RASEF: variants seen among roughly 807,000 people sequenced by gnomAD.
RASEF encodes the protein ras and EF-hand domain-containing protein.
A neutral mutation model predicts 90.1 loss-of-function variants in RASEF; 68 were observed. That is an observed-to-expected ratio of 0.75 (90% confidence interval 0.62 to 0.92). The LOEUF (loss-of-function observed/expected upper bound fraction) is 0.92. RASEF is among the 40% of genes least tolerant of loss of function. The pLI, the probability that RASEF is intolerant of heterozygous loss-of-function variation, is 0.00. For synonymous variants in RASEF, 331 were observed against 345.2 expected (o/e 0.96, Z 0.46); for missense variants, 949 against 937.2 (o/e 1.01, Z -0.16).
At chr9:83,198,471 G>A in the RASEF span, among the ~76,000 whole-genome samples, 2 of 152,250 alleles carry the variant, frequency 1.3e-5, no homozygotes, top group South Asian at 2.1e-4. Flanking sequence ...TGGATAGACT[G>A]CCTGGCCAGC....
chr9:83,144,390 AG>A, the RASEF span, among the ~76,000 whole-genome samples: 1,887 of 10,502 alleles, frequency 0.18, 103 homozygotes, highest in African/African-American at 0.28. Flanking sequence ...AAAGAAAGAA[AG>A]GAAAGAAAGA....
Position 83,011,550 on chromosome 9 carries a change from CAAAAAAAAAAAA to C in RASEF, c.843+872_843+883del, listed in dbSNP as rs71363083. 2.6e-3 allele frequency among the ~76,000 whole-genome samples: 74 copies of C among 28,118 alleles called. 2 individuals carry two copies. Among genetic ancestry groups the C allele is most frequent in the African/African-American group, 8.4e-3 (62 of 7,388 alleles). 18.4% of individuals were successfully genotyped at this position (28,118 alleles called of 152,430 possible). On this transcript the variant is annotated intron_variant, in intron 5 of 16. Transcript: ENST00000376447. ...CTGGTGACAGAGCAAGACTCCATCT[CAAAAAAAAAAAA>C]AAAAAAAAAAAAAACTGAAATTTTA...
At chr9:83,013,988 C>A (rs1024459739) in intron 4 of RASEF, among the ~76,000 whole-genome samples, 1 of 152,132 alleles carries the variant, frequency 6.6e-6, no homozygotes. Context: ...GACACATGGG[C>A]TTTCTTACTG....
the RASEF span, among the ~76,000 whole-genome samples, chr9:83,132,637 T>A: frequency 2.6e-5 from 4 of 152,306 alleles, no homozygotes; most frequent in East Asian, 7.7e-4. Context: ...CCTTCAGGAT[T>A]TTTTCAGAGG....
At chr9:83,185,985 G>C in the RASEF span, among the ~76,000 whole-genome samples, 1 of 152,142 alleles carries the variant, frequency 6.6e-6, no homozygotes, top group African/African-American at 2.4e-5. Flanking sequence ...GGGGCAAGGG[G>C]GGTGTTAATT....
chr9:83,042,326 G>A (rs1036820558), intron 1 of RASEF, among the ~76,000 whole-genome samples: 4 of 152,164 alleles, frequency 2.6e-5, no homozygotes, highest in African/African-American at 4.8e-5. Context: ...GTTTATCTTG[G>A]TGTGTAGTTT....
chr9:83,001,046 G>A lies in RASEF; in HGVS notation c.1287C>T (p.Asp429=). 6.2e-7 allele frequency: 1 copy of A among 1,614,148 alleles called. No individual in the cohort carries two copies. Among genetic ancestry groups the A allele is most frequent in the Non-Finnish European group, 8.5e-7 (1 of 1,180,016 alleles). ...DPLQRTNCEV[D]SLPESCFDSG... is the part of the protein sequence containing the mutation. ...TGTCGAAGCAGCTTTCAGGCAGGCT[G>A]TCAACTTCACAATTTGTCCTCTGCA... Residue 429 remains aspartate, a synonymous_variant, in exon 10 of 17, where the codon GAC becomes GAT. Transcript: ENST00000376447.
chr9:83,130,437 A>G, the RASEF span, among the ~76,000 whole-genome samples: 1 of 152,198 alleles, frequency 6.6e-6, no homozygotes, highest in African/African-American at 2.4e-5. Flanking sequence ...CAAAGTCCAT[A>G]GTTCACATTA....
intron 16 of RASEF, among the ~76,000 whole-genome samples, chr9:82,989,284 G>A (rs993411268): frequency 6.6e-6 from 1 of 151,936 alleles, no homozygotes; most frequent in Non-Finnish European, 1.5e-5. Context: ...TCACTATGTT[G>A]CCCAGGCTAG....
In RASEF at chr9:82,985,959, G is replaced by A. The variant is rs573582063; in HGVS notation, c.2118-3177C>T. ...GATATGCAGAGTCACCATGGCTATG[G>A]CGTTTCCGGTGGGGGTTCACTCTAT... is the stretch of plus-strand genomic sequence containing the variant. On this transcript the variant is annotated intron_variant, in intron 16 of 16. Transcript: ENST00000376447. Among the ~76,000 whole-genome samples, 3 of 152,294 alleles carry A rather than the reference G, an allele frequency of 2.0e-5. No homozygotes were observed. The South Asian group carries it at 6.2e-4, about 32-fold the overall frequency.
chr9:83,150,355 G>A, the RASEF span, among the ~76,000 whole-genome samples: 2 of 152,214 alleles, frequency 1.3e-5, no homozygotes, highest in South Asian at 2.1e-4. Context: ...TCTAATCAAA[G>A]TTTGGTCTTT....
chr9:83,175,608 T>C, the RASEF span, among the ~76,000 whole-genome samples: 1 of 151,626 alleles, frequency 6.6e-6, no homozygotes, highest in Admixed American at 6.6e-5. Context: ...TAAGATGGAG[T>C]CTCACTCTGT....
the RASEF span, among the ~76,000 whole-genome samples, chr9:83,126,571 A>T: frequency 0.37 from 56,203 of 151,966 alleles, 10,902 homozygotes; most frequent in East Asian, 0.71. Flanking sequence ...TCAGATATAG[A>T]TCTTGATTTT....
chr9:83,058,720 G>C (rs1014073428), intron 1 of RASEF, among the ~76,000 whole-genome samples: 1 of 152,172 alleles, frequency 6.6e-6, no homozygotes, highest in African/African-American at 2.4e-5. Context: ...CCAATTAAAT[G>C]GGATTGCTGT....
At chr9:83,031,797 AT>A (rs1408268953) in intron 1 of RASEF, among the ~76,000 whole-genome samples, 1 of 152,200 alleles carries the variant, frequency 6.6e-6, no homozygotes, top group African/African-American at 2.4e-5. Flanking sequence ...ACCTTCTACA[AT>A]TTAGTTTACT....
chr9:83,144,242 C>T, the RASEF span, among the ~76,000 whole-genome samples: 13 of 150,276 alleles, frequency 8.7e-5, no homozygotes, highest in African/African-American at 3.2e-4. Context: ...ACTCTCACTG[C>T]CTGGTGCAAT....
chr9:83,074,665 C>T, the RASEF span, among the ~76,000 whole-genome samples: 29 of 152,308 alleles, frequency 1.9e-4, no homozygotes, highest in African/African-American at 6.3e-4. Flanking sequence ...TTAGCTTTCA[C>T]ACTGCAAGAA....
rs573885577 is a variant in RASEF at position 83,029,308 on chromosome 9, G to A, written c.432-3387C>T. On this transcript the variant is annotated intron_variant, in intron 1 of 16. Coordinates refer to ENST00000376447, the MANE Select transcript of RASEF (RefSeq NM_152573.4). ...ACAGACCAAGGAAACACTGAAAAACGTAAGGTACACATTAACTCTGAAGCT... is the reference window on the plus strand; with the variant it reads ...ACAGACCAAGGAAACACTGAAAAACATAAGGTACACATTAACTCTGAAGCT... Among the ~76,000 whole-genome samples, 7 of 151,970 alleles carry A rather than the reference G, an allele frequency of 4.6e-5. No individual in the cohort carries two copies. The South Asian group carries it at 1.5e-3, about 32-fold the overall frequency.
the RASEF span, among the ~76,000 whole-genome samples, chr9:83,208,436 C>T: frequency 6.6e-6 from 1 of 152,170 alleles, no homozygotes; most frequent in Admixed American, 6.5e-5. Context: ...TCAGTGGACT[C>T]CAGAAGTAAC....
Sources: allele counts gnomAD v4.1 joint callset (sites outside exome capture counted in the v4.1 genomes callset), GRCh38; gene constraint gnomAD v4.1.1; transcripts MANE v1.5; gene names NCBI Gene and HGNC (gene_info 2026-07-23, HGNC 2026-07-21).